The following NLGN1 variants were observed in gnomAD, a reference collection of about 807,000 sequenced individuals.
NLGN1 encodes neuroligin-1.
A neutral mutation model predicts 65.5 loss-of-function variants in NLGN1; 12 were observed. The ratio of observed to expected loss-of-function variants is 0.18; its 90% CI spans 0.12 to 0.30. The LOEUF (loss-of-function observed/expected upper bound fraction) is 0.30. Ranked by LOEUF, NLGN1 falls within the 10% of genes least tolerant of loss-of-function variation. The pLI, the probability that NLGN1 is intolerant of heterozygous loss-of-function variation, is 1.00. For synonymous variants in NLGN1, 350 were observed against 359.5 expected, an observed-to-expected ratio of 0.97 and a Z score of 0.30; for missense variants, 750 against 1,007.1, an observed-to-expected ratio of 0.74 and a Z score of 3.46.
rs577400394 is a variant in NLGN1, at chr3:173,912,364, A to G, written c.646+104532A>G. Among the ~76,000 whole-genome samples, 13 of 152,308 alleles carry G rather than the reference A, an allele frequency of 8.5e-5. No homozygotes were observed. In the South Asian group the frequency reaches 2.7e-3, roughly 32 times the overall value. The stretch of plus-strand genomic sequence containing the variant: ...GAAAGAATGAGATTTGGAGTCAGAT[A>G]TGAATTTCAAATCCTGGTTCTGCCA... On this transcript the variant is annotated intron_variant, in intron 4 of 6. Transcript: ENST00000457714.
At chr3:173,692,492 C>G (rs1283601213) in intron 3 of NLGN1, among the ~76,000 whole-genome samples, 1 of 151,988 alleles carries the variant, frequency 6.6e-6, no homozygotes, top group Non-Finnish European at 1.5e-5. Context: ...ATAGAAAATA[C>G]TATATAAATG....
At chr3:173,672,074 T>C (rs551880534) in intron 3 of NLGN1, among the ~76,000 whole-genome samples, 7 of 152,268 alleles carry the variant, frequency 4.6e-5, no homozygotes, top group Non-Finnish European at 1.0e-4. Flanking sequence ...CTCAGAAGGC[T>C]GAGGCAGGAG....
At chr3:173,889,925 AT>A (rs1202529634) in intron 4 of NLGN1, among the ~76,000 whole-genome samples, 2 of 152,072 alleles carry the variant, frequency 1.3e-5, no homozygotes, top group Admixed American at 6.6e-5. Context: ...AATGCAATAA[AT>A]TGTGGGAACT....
At chr3:173,532,440 T>G (rs1431313644) in intron 2 of NLGN1, among the ~76,000 whole-genome samples, 1 of 152,212 alleles carries the variant, frequency 6.6e-6, no homozygotes, top group Admixed American at 6.5e-5. Flanking sequence ...GTATAGCCTA[T>G]TGAACATATC....
At chr3:173,467,155 T>G (rs1724503944) in intron 2 of NLGN1, among the ~76,000 whole-genome samples, 1 of 152,162 alleles carries the variant, frequency 6.6e-6, no homozygotes, top group Non-Finnish European at 1.5e-5. Flanking sequence ...TGAAATATTT[T>G]TAATCAAATA....
chr3:174,242,048 C>G (rs1401962023), intron 4 of NLGN1, among the ~76,000 whole-genome samples: 1 of 152,146 alleles, frequency 6.6e-6, no homozygotes, highest in Non-Finnish European at 1.5e-5. Context: ...CTCACAGCAA[C>G]CGAGCATAAC....
intron 4 of NLGN1, among the ~76,000 whole-genome samples, chr3:174,133,893 A>AACACACAC (rs5854553): frequency 0.38 from 55,122 of 144,652 alleles, 11,596 homozygotes; most frequent in Non-Finnish European, 0.48. Context: ...CACCCCACAA[A>AACACACAC]ACACACACAC....
intron 2 of NLGN1, among the ~76,000 whole-genome samples, chr3:173,546,823 A>G (rs561465509): frequency 6.6e-6 from 1 of 152,228 alleles, no homozygotes; most frequent in Admixed American, 6.5e-5. Flanking sequence ...TATATCTTGG[A>G]TGAAGAAGAA....
intron 2 of NLGN1, among the ~76,000 whole-genome samples, chr3:173,509,429 A>C (rs973887458): frequency 2.0e-5 from 3 of 152,120 alleles, no homozygotes; most frequent in African/African-American, 7.2e-5. Flanking sequence ...CCTGGGTAAC[A>C]TGGTGAAACC....
At chr3:173,523,432 T>A (rs1409658244) in intron 2 of NLGN1, among the ~76,000 whole-genome samples, 9 of 151,768 alleles carry the variant, frequency 5.9e-5, no homozygotes, top group African/African-American at 2.2e-4. Context: ...AATTTTTGTA[T>A]ATGATGAGAG....
chr3:173,990,945 GC>G (rs1235472700), intron 4 of NLGN1, among the ~76,000 whole-genome samples: 1 of 151,874 alleles, frequency 6.6e-6, no homozygotes, highest in Non-Finnish European at 1.5e-5. Flanking sequence ...TCAAAATTTA[GC>G]AGAAGGAACA....
At chr3:174,151,814 G>A (rs778713296) in intron 4 of NLGN1, among the ~76,000 whole-genome samples, 17 of 152,050 alleles carry the variant, frequency 1.1e-4, no homozygotes, top group African/African-American at 2.7e-4. Context: ...TAAAGTCTTC[G>A]AAAGAGTTCC....
Position 173,409,134 on chromosome 3 carries a change from G to A in NLGN1, c.-390+10647G>A, listed in dbSNP as rs180848739. Among the ~76,000 whole-genome samples, 26 of 152,170 alleles carry A rather than the reference G, an allele frequency of 1.7e-4. No individual in the cohort carries two copies. The East Asian group carries it at 2.7e-3, about 16-fold the overall frequency. ...GGGTGGTGCTGCTATAGGGGAGAAC[G>A]AAGGTATAATCACTGGAAATGGAAT... On this transcript the variant is annotated intron_variant, in intron 1 of 6. Transcript: ENST00000457714.
At chr3:174,249,371 A>T (rs1387124795) in intron 4 of NLGN1, among the ~76,000 whole-genome samples, 3 of 152,236 alleles carry the variant, frequency 2.0e-5, no homozygotes, top group Middle Eastern at 3.4e-3. Flanking sequence ...GAACTATAAG[A>T]TATGTTATGA....
intron 4 of NLGN1, among the ~76,000 whole-genome samples, chr3:173,912,032 A>C (rs1662573177): frequency 6.6e-6 from 1 of 152,212 alleles, no homozygotes; most frequent in South Asian, 2.1e-4. Context: ...ATTTCATAAG[A>C]TCACAAGAAA....
In NLGN1 at chr3:174,205,880, G is replaced by A. The variant is rs78317820; in HGVS notation, c.647-69435G>A. Among the ~76,000 whole-genome samples the A allele has an allele frequency of 3.2e-3, 487 of 152,256 alleles. 1 individual carries two copies. The highest frequency in any genetic ancestry group is 0.01 in the African/African-American group (421 of 41,544). On this transcript the variant is annotated intron_variant, in intron 4 of 6. Coordinates refer to ENST00000457714, the Ensembl canonical transcript of NLGN1. ...CTAAGTTCAACCTTATAGGATTCTC[G>A]TGAGTATCACTGAAATAACTACATG...
Position 173,608,163 on chromosome 3 carries a change from G to C in NLGN1, c.493+3072G>C, listed in dbSNP as rs544508693. 7.2e-5 allele frequency among the ~76,000 whole-genome samples: 11 copies of C among 151,900 alleles called. No individual in the cohort carries two copies. The South Asian group carries it at 8.3e-4, about 11-fold the overall frequency. ...GATGTTGTTCTATAATTTTTAAATA[G>C]AGCATTTACAATATTTTCCTGCAAT... On this transcript the variant is annotated intron_variant, in intron 3 of 6. Coordinates refer to ENST00000457714, the Ensembl canonical transcript of NLGN1.
chr3:174,021,513 C>T (rs1467428716), intron 4 of NLGN1, among the ~76,000 whole-genome samples: 1 of 151,880 alleles, frequency 6.6e-6, no homozygotes, highest in East Asian at 1.9e-4. Flanking sequence ...ATAATTTGGC[C>T]TCCCAAATAT....
chr3:174,180,514 G>A (rs76593993), intron 4 of NLGN1, among the ~76,000 whole-genome samples: 3 of 152,116 alleles, frequency 2.0e-5, no homozygotes, highest in African/African-American at 4.8e-5. Flanking sequence ...GAGGGGCAAA[G>A]GTTGCTAGTC....
Sources: allele counts gnomAD v4.1 joint callset (sites outside exome capture counted in the v4.1 genomes callset), GRCh38; gene constraint gnomAD v4.1.1; transcripts MANE v1.5; gene names NCBI Gene and HGNC (gene_info 2026-07-23, HGNC 2026-07-21).